Variants in ILRUN observed in about 807,000 individuals in gnomAD.
The protein encoded by ILRUN is protein ILRUN.
Under a neutral mutation model 33.8 loss-of-function variants are expected in ILRUN, and 3 were observed. That is an observed-to-expected ratio of 0.09 (90% CI 0.04 to 0.23). The LOEUF is 0.23. Among genes scored for constraint, ILRUN ranks in the 10% least tolerant of loss-of-function variants. The pLI, the probability that ILRUN is intolerant of heterozygous loss-of-function variation, is 1.00. For missense variants in ILRUN, 210 were observed against 375.1 expected, an observed-to-expected ratio of 0.56 and a Z score of 3.64; for synonymous variants, 124 against 138.9, an observed-to-expected ratio of 0.89 and a Z score of 0.75.
chr6:34,656,161 G>A (rs181426594), intron 1 of ILRUN, among the ~76,000 whole-genome samples: 73 of 150,066 alleles, frequency 4.9e-4, no homozygotes, highest in African/African-American at 1.7e-3. Flanking sequence ...GCTTGAACCC[G>A]AGAGGTGGAG....
chr6:34,607,510 C>T (rs765879753), intron 3 of ILRUN, among the ~76,000 whole-genome samples: 1 of 152,194 alleles, frequency 6.6e-6, no homozygotes, highest in Non-Finnish European at 1.5e-5. Context: ...ATTTGGCATG[C>T]CTCAGACTTT....
At chr6:34,601,571 T>C (rs73410000) in intron 4 of ILRUN, among the ~76,000 whole-genome samples, 3,307 of 152,214 alleles carry the variant, frequency 0.022, 123 homozygotes, top group African/African-American at 0.072. Flanking sequence ...TTCCACAAAG[T>C]CACCCCAAAC....
At chr6:34,657,188 A>AT (rs1762789073) in intron 1 of ILRUN, among the ~76,000 whole-genome samples, 1 of 152,080 alleles carries the variant, frequency 6.6e-6, no homozygotes, top group Non-Finnish European at 1.5e-5. Flanking sequence ...TGAAAACAGA[A>AT]TTTTTTTGCA....
At chr6:34,682,725 C>T (rs922531132) in intron 1 of ILRUN, among the ~76,000 whole-genome samples, 5 of 151,722 alleles carry the variant, frequency 3.3e-5, no homozygotes, top group African/African-American at 7.3e-5. Context: ...TTGCCTGCCT[C>T]GGCCTCCCAA....
At chr6:34,679,224 AT>A (rs1282499689) in intron 1 of ILRUN, among the ~76,000 whole-genome samples, 7 of 152,100 alleles carry the variant, frequency 4.6e-5, no homozygotes, top group Non-Finnish European at 7.4e-5. Context: ...TGGAAAAAAA[AT>A]ATATTATGCG....
At chr6:34,658,605 G>A (rs111393706) in intron 1 of ILRUN, among the ~76,000 whole-genome samples, 4,654 of 150,714 alleles carry the variant, frequency 0.031, 196 homozygotes, top group African/African-American at 0.091. Context: ...TCAGGAATTC[G>A]AGACCAGCCT....
At chr6:34,670,892 A>ACACC (rs1157419886) in intron 1 of ILRUN, among the ~76,000 whole-genome samples, 1 of 151,480 alleles carries the variant, frequency 6.6e-6, no homozygotes, top group Non-Finnish European at 1.5e-5. Flanking sequence ...AATGATATAC[A>ACACC]CACCCCCTAA....
chr6:34,594,346 C>A (rs1298661453), intron 4 of ILRUN, among the ~76,000 whole-genome samples: 2 of 152,198 alleles, frequency 1.3e-5, no homozygotes, highest in Non-Finnish European at 2.9e-5. Flanking sequence ...AGCCACTCCT[C>A]TCTAGGAATA....
chr6:34,630,041 C>T (rs1168609471), intron 3 of ILRUN, among the ~76,000 whole-genome samples: 2 of 152,146 alleles, frequency 1.3e-5, no homozygotes, highest in Admixed American at 1.3e-4. Context: ...GCTAGTATCA[C>T]TACTCTTGCA....
chr6:34,635,500 C>T (rs1582065474), intron 3 of ILRUN, among the ~76,000 whole-genome samples: 1 of 143,930 alleles, frequency 6.9e-6, no homozygotes, highest in East Asian at 2.2e-4. Context: ...TGCACTCCTC[C>T]AGCCTGGGCA....
chr6:34,622,007 C>G (rs1762022665), intron 3 of ILRUN, among the ~76,000 whole-genome samples: 1 of 152,188 alleles, frequency 6.6e-6, no homozygotes, highest in African/African-American at 2.4e-5. Flanking sequence ...AAAGGACAGT[C>G]TTCTCAAAAA....
chr6:34,671,061 T>A (rs750274680), intron 1 of ILRUN, among the ~76,000 whole-genome samples: 6 of 152,270 alleles, frequency 3.9e-5, no homozygotes. Context: ...ACTCAAATAG[T>A]ATTTTTCCGA....
At chr6:34,689,510 T>A (rs1382447471) in intron 1 of ILRUN, among the ~76,000 whole-genome samples, 1 of 152,124 alleles carries the variant, frequency 6.6e-6, no homozygotes, top group Admixed American at 6.6e-5. Context: ...AGCCCTTCCT[T>A]ACCCTCTTCC....
At chr6:34,639,950 G>A (rs1762435605) in intron 3 of ILRUN, among the ~76,000 whole-genome samples, 1 of 152,036 alleles carries the variant, frequency 6.6e-6, no homozygotes, top group Admixed American at 6.6e-5. Context: ...GTAAGTACGA[G>A]AATTTGTTAG....
At chr6:34,673,827 C>CCACACACACACA (rs537172828) in intron 1 of ILRUN, among the ~76,000 whole-genome samples, 1 of 107,684 alleles carries the variant, frequency 9.3e-6, no homozygotes, top group Non-Finnish European at 1.8e-5. Context: ...ACAGTAACAA[C>CCACACACACACA]CACATACACA....
At chr6:34,661,835 CAT>C (rs892642791) in intron 1 of ILRUN, among the ~76,000 whole-genome samples, 5 of 152,056 alleles carry the variant, frequency 3.3e-5, no homozygotes, top group African/African-American at 1.2e-4. Flanking sequence ...AATTAAAAGA[CAT>C]AGAAGAGGCC....
intron 3 of ILRUN, among the ~76,000 whole-genome samples, chr6:34,630,324 T>C (rs751936951): frequency 1.6e-4 from 25 of 152,208 alleles, no homozygotes; most frequent in Non-Finnish European, 3.2e-4. Flanking sequence ...ACTGAAACCA[T>C]GGAAAGTGAA....
chr6:34,682,725 C>G (rs922531132), intron 1 of ILRUN, among the ~76,000 whole-genome samples: 1 of 151,604 alleles, frequency 6.6e-6, no homozygotes, highest in South Asian at 2.1e-4. Context: ...TTGCCTGCCT[C>G]GGCCTCCCAA....
chr6:34,598,325 C>G (rs1415931644), intron 4 of ILRUN, among the ~76,000 whole-genome samples: 1 of 152,194 alleles, frequency 6.6e-6, no homozygotes, highest in African/African-American at 2.4e-5. Flanking sequence ...CAGTTCTTAA[C>G]CTTACATTTT....
Sources: gnomAD v4.1 joint callset for allele counts (sites outside exome capture counted in the v4.1 genomes callset) on GRCh38, gnomAD v4.1.1 for gene constraint, MANE v1.5 for transcripts, NCBI Gene and HGNC (gene_info 2026-07-23, HGNC 2026-07-21) for gene names.